NCOA6: variants seen among roughly 807,000 people sequenced by gnomAD.
NCOA6 encodes nuclear receptor coactivator 6, also known as NRC RAP250.
NCOA6 carries 49 observed loss-of-function variants against 171.4 expected under a neutral mutation model. The observed-to-expected ratio is 0.29, with a 90% CI of 0.23 to 0.36. NCOA6 has a LOEUF of 0.36. NCOA6 is among the 10% of genes least tolerant of loss of function. The pLI is 1.00. For synonymous variants in NCOA6, 910 were observed against 927.5 expected (o/e 0.98, Z 0.34); for missense variants, 2,248 against 2,554.5 (o/e 0.88, Z 2.59).
chr20:34,774,221 G>T (rs936613668), intron 4 of NCOA6, among the ~76,000 whole-genome samples: 33 of 152,028 alleles, frequency 2.2e-4, no homozygotes, highest in African/African-American at 7.2e-4. Context: ...AAACATGTGG[G>T]GTTTTAAAGA....
rs532297225 is a variant in NCOA6 at position 34,764,111 on chromosome 20, G to A, written c.514+4353C>T. ...ATTTTTTTTTTTTGTTTTTTGAGAG[G>A]GAGTCTTGCTATGTCACCCAGGCTG... is the stretch of plus-strand genomic sequence containing the variant. On this transcript the variant is annotated intron_variant, in intron 5 of 14. Transcript: ENST00000359003. Among the ~76,000 whole-genome samples the A allele has an allele frequency of 2.1e-3, 320 of 149,314 alleles. 1 individual carries two copies. Among genetic ancestry groups the A allele is most frequent in the African/African-American group, 7.6e-3 (307 of 40,532 alleles).
intron 2 of NCOA6, 49 bp from the exon 3 acceptor site, chr20:34,782,453 C>T: frequency 4.1e-6 from 2 of 489,478 alleles, no homozygotes; most frequent in Non-Finnish European, 7.1e-6. Context: ...GTTATGCATT[C>T]AACAATGTAT....
chr20:34,822,675 G>A (rs1448483519), intron 1 of NCOA6, among the ~76,000 whole-genome samples: 1 of 152,182 alleles, frequency 6.6e-6, no homozygotes. Context: ...CCAGTATAAT[G>A]CTTGATATGC....
chr20:34,716,071 C>G (rs1350691097), intron 14 of NCOA6, among the ~76,000 whole-genome samples: 1 of 151,938 alleles, frequency 6.6e-6, no homozygotes, highest in East Asian at 1.9e-4. Flanking sequence ...ACACGAAAAA[C>G]TAGCCGGGCG....
chr20:34,746,536 T>C (rs1017650753), intron 10 of NCOA6, among the ~76,000 whole-genome samples: 1 of 152,228 alleles, frequency 6.6e-6, no homozygotes, highest in African/African-American at 2.4e-5. Context: ...TGAGCCATCA[T>C]GCCCAACCAC....
chr20:34,715,274 TGTAAAAGTCACAC>T lies in NCOA6; in HGVS notation c.*35_*47del. The stretch of plus-strand genomic sequence containing the variant: ...AAAGTCACAGCTCAAAATTGCTCTT[TGTAAAAGTCACAC>T]ACATTTCCAAGTATCAAGTCGCAGT... On this transcript the variant is annotated 3_prime_UTR_variant, in exon 15 of 15. Transcript: ENST00000359003. 1 of 1,612,976 alleles carries T rather than the reference TGTAAAAGTCACAC, an allele frequency of 6.2e-7. No homozygotes were observed. Among genetic ancestry groups the T allele is most frequent in the Admixed American group, 1.7e-5 (1 of 59,916 alleles).
At chr20:34,793,930 C>T (rs1262733660) in intron 1 of NCOA6, among the ~76,000 whole-genome samples, 2 of 152,050 alleles carry the variant, frequency 1.3e-5, no homozygotes, top group Admixed American at 6.6e-5. Flanking sequence ...GAAATACAAA[C>T]GAACATTCAA....
At position 34,783,385 on chromosome 20, in the gene NCOA6, T is replaced by TA. The variant is rs2077568194; in HGVS notation, c.-49-982dup. 2.6e-5 allele frequency among the ~76,000 whole-genome samples: 4 copies of TA among 152,330 alleles called. No individual in the cohort carries two copies. In the East Asian group the frequency reaches 7.7e-4, roughly 29 times the overall value. On this transcript the variant is annotated intron_variant, in intron 2 of 14. Transcript: ENST00000359003. ...TCCTAAATTTTAGATATAAAGAAGT[T>TA]ACATTTTCTGCTATCTTCAGGTATG...
At position 34,740,408 on chromosome 20, in the gene NCOA6, C is replaced by T; in HGVS notation, c.5848G>A (p.Val1950Met). ...IASESLAGGL[V>M]EEKVGSHPEL... ...GGATGGGATCCCACCTTCTCCTCCA[C>T]TAGGCCACCCGCAAGTGACTCAGAT... The change falls in exon 11 of 15, where the codon GTG becomes ATG. Residue 1950 changes from valine (V) to methionine (M), a missense_variant. Coordinates refer to ENST00000359003, the MANE Select transcript of NCOA6 (RefSeq NM_014071.5). The T allele has an allele frequency of 6.2e-7, 1 of 1,614,200 alleles. No individual in the cohort carries two copies. The highest frequency in any genetic ancestry group is 8.5e-7 in the Non-Finnish European group (1 of 1,180,032).
chr20:34,751,006 C>G (rs940272845), intron 8 of NCOA6, among the ~76,000 whole-genome samples: 11 of 151,538 alleles, frequency 7.3e-5, no homozygotes, highest in African/African-American at 2.7e-4. Context: ...GAGTGAAACC[C>G]CGTCTCAAAA....
intron 3 of NCOA6, among the ~76,000 whole-genome samples, chr20:34,776,946 G>A (rs1054110444): frequency 2.0e-5 from 3 of 151,958 alleles, no homozygotes; most frequent in African/African-American, 4.8e-5. Flanking sequence ...ATGAAACCCC[G>A]TCTCTACTAA....
At position 34,741,307 on chromosome 20, in the gene NCOA6, T is replaced by A. The variant is rs576965755; in HGVS notation, c.4949A>T (p.Asn1650Ile). ...AGGTGTAATGAACTGAGGCCGGGCA[T>A]TAGACTGAGCAGCTGACTGTCCCTC... ...VSEGQSAAQS[N>I]ARPQFITPVF... The change falls in exon 11 of 15, where the codon AAT (asparagine) becomes ATT (isoleucine). Residue 1650 changes from asparagine to isoleucine, a missense_variant. By Grantham distance (149) the Asn-to-Ile change is moderately radical. Coordinates refer to ENST00000359003, the MANE Select transcript of NCOA6 (RefSeq NM_014071.5). The A allele has an allele frequency of 1.1e-5, 18 of 1,614,086 alleles. No homozygotes were observed. Among genetic ancestry groups the A allele is most frequent in the Non-Finnish European group, 1.4e-5 (17 of 1,180,050 alleles).
intron 14 of NCOA6, among the ~76,000 whole-genome samples, chr20:34,721,829 G>A (rs1385304712): frequency 6.6e-6 from 1 of 151,872 alleles, no homozygotes; most frequent in East Asian, 1.9e-4. Context: ...GCGAAGGTGG[G>A]AGGATCACTT....
At chr20:34,734,311 G>A (rs1273068391) in intron 12 of NCOA6, among the ~76,000 whole-genome samples, 4 of 151,992 alleles carry the variant, frequency 2.6e-5, no homozygotes, top group Non-Finnish European at 5.9e-5. Context: ...TGATCTGCCC[G>A]CCTTGGCCTC....
intron 5 of NCOA6, among the ~76,000 whole-genome samples, chr20:34,763,625 G>C (rs1024880321): frequency 1.3e-5 from 2 of 152,180 alleles, no homozygotes; most frequent in African/African-American, 2.4e-5. Flanking sequence ...CCCCTCCACA[G>C]CTTCAACAGT....
chr20:34,798,848 G>A (rs946965771), intron 1 of NCOA6, among the ~76,000 whole-genome samples: 45 of 152,240 alleles, frequency 3.0e-4, no homozygotes, highest in Middle Eastern at 3.4e-3. Context: ...TTGAATACTC[G>A]GAAAGCCTTC....
chr20:34,775,672 C>CAAAAAAAAA (rs570763953), intron 4 of NCOA6, among the ~76,000 whole-genome samples: 11 of 77,516 alleles, frequency 1.4e-4, no homozygotes, highest in East Asian at 6.8e-4. Context: ...GACTCTGTCT[C>CAAAAAAAAA]AAAAAAAAAA....
At chr20:34,806,175 GCAGATTTTCATATA>G (rs1250706202) in intron 1 of NCOA6, among the ~76,000 whole-genome samples, 2 of 152,296 alleles carry the variant, frequency 1.3e-5, no homozygotes, top group East Asian at 3.9e-4. Flanking sequence ...GTAATGTTAA[GCAGATTTTCATATA>G]CTTGCTGACA....
At chr20:34,794,025 T>C (rs1164103163) in intron 1 of NCOA6, among the ~76,000 whole-genome samples, 1 of 152,220 alleles carries the variant, frequency 6.6e-6, no homozygotes, top group Non-Finnish European at 1.5e-5. Flanking sequence ...AAAAATTTGA[T>C]AATTTACTGT....
Sources: allele counts gnomAD v4.1 joint callset (sites outside exome capture counted in the v4.1 genomes callset), GRCh38; gene constraint gnomAD v4.1.1; transcripts MANE v1.5; gene names NCBI Gene and HGNC (gene_info 2026-07-23, HGNC 2026-07-21).